Variants in NCOA2 observed in about 807,000 individuals in gnomAD.
NCOA2 encodes the protein nuclear receptor coactivator 2.
A neutral mutation model predicts 145.1 loss-of-function variants in NCOA2; 21 were observed. The ratio of observed to expected loss-of-function variants is 0.14; its 90% CI spans 0.10 to 0.21. The LOEUF is 0.21. Ranked by LOEUF, NCOA2 falls within the 10% of genes least tolerant of loss-of-function variation. The probability of loss-of-function intolerance (pLI) is 1.00; values close to 1 mark genes in which losing one functional copy is unlikely to be tolerated. For synonymous variants in NCOA2, 619 were observed against 637.5 expected, an observed-to-expected ratio of 0.97 and a Z score of 0.44; for missense variants, 1,472 against 1,837.6, an observed-to-expected ratio of 0.80 and a Z score of 3.64.
intron 4 of NCOA2, among the ~76,000 whole-genome samples, chr8:70,204,227 C>T (rs1303117580): frequency 1.3e-5 from 2 of 152,078 alleles, no homozygotes; most frequent in African/African-American, 4.8e-5. Flanking sequence ...AGGATAGTCT[C>T]GAACTCCTGA....
chr8:70,274,146 TCTGTA>T (rs1445170456), intron 2 of NCOA2, among the ~76,000 whole-genome samples: 5 of 151,072 alleles, frequency 3.3e-5, no homozygotes, highest in Admixed American at 2.6e-4. Context: ...TTGACACCGA[TCTGTA>T]CACAGTAAAT....
At chr8:70,403,528 C>T (rs1814586046) in intron 1 of NCOA2, among the ~76,000 whole-genome samples, 172 bp downstream of exon 1, 1 of 142,250 alleles carries the variant, frequency 7.0e-6, no homozygotes, top group African/African-American at 2.5e-5. Flanking sequence ...CTCCCGTTTT[C>T]CGCGCACTCC....
chr8:70,252,106 T>A (rs2926708), intron 2 of NCOA2, among the ~76,000 whole-genome samples: 12,075 of 152,338 alleles, frequency 0.079, 636 homozygotes, highest in Non-Finnish European at 0.12. Context: ...TATTGGTTTT[T>A]AAAAATATTT....
intron 13 of NCOA2, 34 bp downstream of exon 13, chr8:70,144,608 C>CACTGTT: frequency 6.5e-7 from 1 of 1,535,262 alleles, no homozygotes; most frequent in Non-Finnish European, 9.0e-7. Flanking sequence ...TTAAATAACC[C>CACTGTT]ACCAATAAAG....
intron 1 of NCOA2, among the ~76,000 whole-genome samples, chr8:70,317,789 G>C (rs1227386887): frequency 6.6e-6 from 1 of 152,138 alleles, no homozygotes; most frequent in Non-Finnish European, 1.5e-5. Flanking sequence ...GGCCAGCACA[G>C]TGGCTCATAC....
chr8:70,209,992 T>C lies in NCOA2; in HGVS notation c.259+3911A>G, dbSNP rs534816702. Among the ~76,000 whole-genome samples, 4 of 152,334 alleles carry C rather than the reference T, an allele frequency of 2.6e-5. No homozygotes were observed. The South Asian group carries it at 8.3e-4, about 32-fold the overall frequency. ...GTTTCCATGACTCCTGTTTCTAAGTTATAGAAGAGAGAAGTTCTAAACATT... is the reference window on the plus strand; with the variant it reads ...GTTTCCATGACTCCTGTTTCTAAGTCATAGAAGAGAGAAGTTCTAAACATT... On this transcript the variant is annotated intron_variant, in intron 4 of 22. Coordinates refer to ENST00000452400, the MANE Select transcript of NCOA2 (RefSeq NM_006540.4).
intron 19 of NCOA2, among the ~76,000 whole-genome samples, chr8:70,125,656 T>C (rs1808332878): frequency 6.6e-6 from 1 of 152,232 alleles, no homozygotes; most frequent in South Asian, 2.1e-4. Context: ...AGCCATTCCA[T>C]GATGAGATGG....
chr8:70,266,017 G>C (rs1338153457), intron 2 of NCOA2, among the ~76,000 whole-genome samples: 1 of 152,180 alleles, frequency 6.6e-6, no homozygotes, highest in Non-Finnish European at 1.5e-5. Context: ...GGGCGTGGTG[G>C]TGCATGCCTG....
intron 3 of NCOA2, among the ~76,000 whole-genome samples, chr8:70,214,347 C>A (rs1819364341): frequency 6.6e-6 from 1 of 152,138 alleles, no homozygotes; most frequent in Non-Finnish European, 1.5e-5. Flanking sequence ...GGACTGTGCT[C>A]ACCACTGTGC....
chr8:70,295,595 T>C, intron 2 of NCOA2, among the ~76,000 whole-genome samples: 1 of 152,182 alleles, frequency 6.6e-6, no homozygotes. Flanking sequence ...TTTCATAACA[T>C]TTAAGAGCTA....
At chr8:70,432,253 G>A in the NCOA2 span, among the ~76,000 whole-genome samples, 13 of 152,252 alleles carry the variant, frequency 8.5e-5, no homozygotes, top group Admixed American at 6.5e-5. Context: ...CTGTGGATCT[G>A]TGGATTTGAT....
chr8:70,229,805 C>T (rs536424799), intron 2 of NCOA2, among the ~76,000 whole-genome samples: 3 of 152,332 alleles, frequency 2.0e-5, no homozygotes, highest in South Asian at 2.1e-4. Context: ...ACAGCATCAG[C>T]TTGCCAAGCC....
At chr8:70,425,185 A>C in the NCOA2 span, among the ~76,000 whole-genome samples, 1 of 152,240 alleles carries the variant, frequency 6.6e-6, no homozygotes, top group African/African-American at 2.4e-5. Flanking sequence ...TGCACTAAGC[A>C]TGAGGTCTTG....
At position 70,370,710 on chromosome 8, in the gene NCOA2, C is replaced by CA. The variant is rs201426645; in HGVS notation, c.-77+32989dup. On this transcript the variant is annotated intron_variant, in intron 1 of 22. Coordinates refer to ENST00000452400, the MANE Select transcript of NCOA2 (RefSeq NM_006540.4). ...CACGTACGTTATTTATTCCTTATTT[C>CA]AAAAAAAAAATACTTTTGTGAACAG... Among the ~76,000 whole-genome samples the CA allele has an allele frequency of 1.1e-3, 161 of 142,294 alleles. 1 individual carries two copies. Among genetic ancestry groups the CA allele is most frequent in the African/African-American group, 2.1e-3 (80 of 38,610 alleles). 93.4% of individuals were successfully genotyped at this position (142,294 alleles called of 152,430 possible).
rs1475149752 is a variant in NCOA2, at chr8:70,271,472, TTTAAAA to T, written c.-20+25266_-20+25271del. 4.6e-5 allele frequency among the ~76,000 whole-genome samples: 7 copies of T among 152,358 alleles called. No homozygotes were observed. In the South Asian group the frequency reaches 6.2e-4, roughly 14 times the overall value. Reference sequence around the variant, plus strand: ...GGGAAAACTAAGAAGTTCTTCCTCCTTTAAAATTAAATGCCTTAATAAAGTAAGATT... The same window carrying T: ...GGGAAAACTAAGAAGTTCTTCCTCCTTTAAATGCCTTAATAAAGTAAGATT... On this transcript the variant is annotated intron_variant, in intron 2 of 22. Transcript: ENST00000452400.
At chr8:70,364,802 G>A (rs1810532633) in intron 1 of NCOA2, among the ~76,000 whole-genome samples, 1 of 144,736 alleles carries the variant, frequency 6.9e-6, no homozygotes. Flanking sequence ...ATAACTACCA[G>A]ACCAGTTCTA....
chr8:70,376,587 G>A (rs1285330406), intron 1 of NCOA2, among the ~76,000 whole-genome samples: 2 of 152,160 alleles, frequency 1.3e-5, no homozygotes, highest in African/African-American at 4.8e-5. Flanking sequence ...GGTGTGAATA[G>A]ATTTAACATC....
intron 1 of NCOA2, among the ~76,000 whole-genome samples, chr8:70,327,098 T>C (rs1563767684): frequency 1.3e-5 from 2 of 152,232 alleles, no homozygotes; most frequent in Non-Finnish European, 2.9e-5. Flanking sequence ...AAGTATATTC[T>C]TGAAGTTTGC....
At chr8:70,412,979 T>A in the NCOA2 span, among the ~76,000 whole-genome samples, 1 of 150,858 alleles carries the variant, frequency 6.6e-6, no homozygotes, top group Non-Finnish European at 1.5e-5. Flanking sequence ...ACACCTGTAA[T>A]CCCAGCTACT....
Sources: gnomAD v4.1 joint callset for allele counts (sites outside exome capture counted in the v4.1 genomes callset) on GRCh38, gnomAD v4.1.1 for gene constraint, MANE v1.5 for transcripts, NCBI Gene and HGNC (gene_info 2026-07-23, HGNC 2026-07-21) for gene names.